The following NRXN1 variants were observed in gnomAD, a reference collection of about 807,000 sequenced individuals.
NRXN1 encodes neurexin-1.
In NRXN1, 39 loss-of-function variants were observed where a neutral mutation model predicts 150.9. That is an observed-to-expected ratio of 0.26 (90% CI 0.20 to 0.34). The LOEUF (loss-of-function observed/expected upper bound fraction) is 0.34. NRXN1 is among the 10% of genes least tolerant of loss of function. NRXN1 has a pLI of 1.00. For synonymous variants in NRXN1, 924 were observed against 757.0 expected, an observed-to-expected ratio of 1.22 and a Z score of -3.62; for missense variants, 1,815 against 1,949.9, an observed-to-expected ratio of 0.93 and a Z score of 1.30.
chr2:50,681,083 A>T (rs1690316445), intron 5 of NRXN1, among the ~76,000 whole-genome samples: 1 of 152,212 alleles, frequency 6.6e-6, no homozygotes, highest in South Asian at 2.1e-4. Flanking sequence ...AACAGCCAAG[A>T]CATTAAAAAA....
chr2:50,402,347 C>T (rs1405379275), intron 17 of NRXN1, among the ~76,000 whole-genome samples: 1 of 151,886 alleles, frequency 6.6e-6, no homozygotes, highest in East Asian at 1.9e-4. Flanking sequence ...TTTTTCCACA[C>T]CCCTTTTTTA....
intron 5 of NRXN1, among the ~76,000 whole-genome samples, chr2:50,678,873 T>G (rs1363064119): frequency 6.6e-6 from 1 of 152,112 alleles, no homozygotes; most frequent in East Asian, 1.9e-4. Context: ...TATATTTTAC[T>G]GGTTTTAGAC....
intron 5 of NRXN1, among the ~76,000 whole-genome samples, chr2:50,799,790 G>C (rs1707338796): frequency 6.6e-6 from 1 of 152,118 alleles, no homozygotes; most frequent in South Asian, 2.1e-4. Context: ...TCACTGGGCT[G>C]TAACTCCATG....
chr2:50,910,940 A>G (rs1435019897), intron 5 of NRXN1, among the ~76,000 whole-genome samples: 1 of 151,982 alleles, frequency 6.6e-6, no homozygotes, highest in Non-Finnish European at 1.5e-5. Context: ...AGGGCTGGAC[A>G]ATGCCATCTG....
chr2:50,420,574 C>A (rs2083906837), intron 17 of NRXN1, among the ~76,000 whole-genome samples: 1 of 151,926 alleles, frequency 6.6e-6, no homozygotes, highest in Non-Finnish European at 1.5e-5. Context: ...GCCAGCTGTC[C>A]CTATGATACT....
At chr2:50,883,421 C>CTTT (rs11388531) in intron 5 of NRXN1, among the ~76,000 whole-genome samples, 2 of 143,994 alleles carry the variant, frequency 1.4e-5, no homozygotes, top group African/African-American at 5.1e-5. Flanking sequence ...ACATTTACAT[C>CTTT]TTTTTTTTTT....
chr2:50,078,774 T>A (rs1318436448), intron 19 of NRXN1, among the ~76,000 whole-genome samples: 1 of 152,088 alleles, frequency 6.6e-6, no homozygotes, highest in African/African-American at 2.4e-5. Flanking sequence ...TTTCTTAGCA[T>A]GAAGGTTCAT....
intron 2 of NRXN1, among the ~76,000 whole-genome samples, chr2:50,927,025 G>T (rs1413891944): frequency 6.6e-6 from 1 of 151,922 alleles, no homozygotes; most frequent in African/African-American, 2.4e-5. Context: ...CAAGGTTTCA[G>T]TAGTTATCAA....
At chr2:50,169,711 C>CAAA (rs11296551) in intron 18 of NRXN1, among the ~76,000 whole-genome samples, 19 of 103,546 alleles carry the variant, frequency 1.8e-4, no homozygotes, top group Admixed American at 3.0e-4. Context: ...GCTTCCATCT[C>CAAA]AAAAAAAAAA....
At chr2:50,604,646 G>C (rs1243182317) in intron 8 of NRXN1, among the ~76,000 whole-genome samples, 3 of 151,930 alleles carry the variant, frequency 2.0e-5, no homozygotes, top group African/African-American at 4.8e-5. Flanking sequence ...TTTTCGTTCA[G>C]TGCCATACTA....
chr2:50,774,328 T>G (rs1217001620), intron 5 of NRXN1, among the ~76,000 whole-genome samples: 1 of 152,126 alleles, frequency 6.6e-6, no homozygotes, highest in Non-Finnish European at 1.5e-5. Flanking sequence ...GGTCTAATCA[T>G]AAAATTAAAC....
At chr2:50,560,096 C>T (rs1197551222) in intron 8 of NRXN1, among the ~76,000 whole-genome samples, 1 of 152,146 alleles carries the variant, frequency 6.6e-6, no homozygotes, top group Non-Finnish European at 1.5e-5. Flanking sequence ...TTTTTAAAAT[C>T]TTTGCACCCA....
intron 8 of NRXN1, among the ~76,000 whole-genome samples, chr2:50,582,958 G>T (rs548026778): frequency 2.6e-5 from 4 of 151,280 alleles, no homozygotes; most frequent in South Asian, 2.1e-4. Flanking sequence ...CCCACACTTT[G>T]TATATATTGT....
At chr2:50,903,014 G>T (rs1683164350) in intron 5 of NRXN1, among the ~76,000 whole-genome samples, 1 of 152,084 alleles carries the variant, frequency 6.6e-6, no homozygotes, top group Non-Finnish European at 1.5e-5. Context: ...AATAAAAGAT[G>T]AAGCTGCTGA....
At position 49,920,102 on chromosome 2, in the gene NRXN1, T is replaced by G. The variant is rs562364287; in HGVS notation, c.*1842A>C. The G allele has an allele frequency of 8.5e-5, 13 of 152,326 alleles. No individual in the cohort carries two copies. In the East Asian group the frequency reaches 2.5e-3, roughly 29 times the overall value. The allele number at this position is 152,326 out of a possible 1,614,324, so 9.4% of individuals were successfully genotyped here. A position where few individuals can be genotyped will look rare whatever the true frequency, so the allele number is the denominator to read the frequency against. ...CCTTCTCATATTAGTAATTTATTGC[T>G]GTGAACATCATTGAATAATATGCAA... On this transcript the variant is annotated 3_prime_UTR_variant, in exon 23 of 23. Coordinates refer to ENST00000401669, the MANE Select transcript of NRXN1 (RefSeq NM_001330078.2).
intron 22 of NRXN1, among the ~76,000 whole-genome samples, chr2:49,942,689 A>G (rs1207797472): frequency 6.6e-6 from 1 of 152,000 alleles, no homozygotes; most frequent in Non-Finnish European, 1.5e-5. Flanking sequence ...GGCTGACTGC[A>G]ACCTCTGCCT....
intron 12 of NRXN1, among the ~76,000 whole-genome samples, chr2:50,517,026 T>A (rs2092650640): frequency 6.6e-6 from 1 of 152,136 alleles, no homozygotes; most frequent in South Asian, 2.1e-4. Flanking sequence ...GACTGTTGAG[T>A]TTTATCCTGG....
At chr2:50,730,505 T>A (rs554747527) in intron 5 of NRXN1, among the ~76,000 whole-genome samples, 36 of 152,244 alleles carry the variant, frequency 2.4e-4, no homozygotes, top group Non-Finnish European at 2.1e-4. Flanking sequence ...CAGCTTTCTC[T>A]CATTACCTGC....
chr2:50,503,954 T>G (rs2092089351), intron 13 of NRXN1, among the ~76,000 whole-genome samples: 1 of 152,078 alleles, frequency 6.6e-6, no homozygotes, highest in Admixed American at 6.6e-5. Context: ...AACAACGCGG[T>G]ATTTCACCCA....
Sources: allele counts gnomAD v4.1 joint callset (sites outside exome capture counted in the v4.1 genomes callset), GRCh38; gene constraint gnomAD v4.1.1; transcripts MANE v1.5; gene names NCBI Gene and HGNC (gene_info 2026-07-23, HGNC 2026-07-21).